FYN: variants seen among roughly 807,000 people sequenced by gnomAD.
FYN encodes tyrosine-protein kinase Fyn.
FYN carries 10 observed loss-of-function variants against 70.2 expected under a neutral mutation model. The observed-to-expected ratio is 0.14, with a 90% CI of 0.09 to 0.24. The LOEUF (loss-of-function observed/expected upper bound fraction) is 0.24, where lower values mean the gene tolerates loss of function less well. FYN is among the 10% of genes least tolerant of loss of function. The pLI, the probability that FYN is intolerant of heterozygous loss-of-function variation, is 1.00. For missense variants in FYN, 319 were observed against 673.1 expected, an observed-to-expected ratio of 0.47 and a Z score of 5.82; for synonymous variants, 236 against 248.6, an observed-to-expected ratio of 0.95 and a Z score of 0.48.
At chr6:111,779,189 C>T (rs1033591752) in intron 3 of FYN, among the ~76,000 whole-genome samples, 3 of 148,100 alleles carry the variant, frequency 2.0e-5, no homozygotes, top group African/African-American at 7.6e-5. Flanking sequence ...AGCCATGTCC[C>T]TCTCTTTGAT....
At chr6:111,869,202 TC>T (rs1774200284) in intron 1 of FYN, among the ~76,000 whole-genome samples, 1 of 152,176 alleles carries the variant, frequency 6.6e-6, no homozygotes, top group Non-Finnish European at 1.5e-5. Flanking sequence ...TCACTTAACC[TC>T]CGTGGAATAT....
intron 12 of FYN, chr6:111,676,409 C>T (rs766683750): frequency 6.6e-6 from 1 of 152,188 alleles, no homozygotes; most frequent in Non-Finnish European, 1.5e-5. Flanking sequence ...TTATTTATAT[C>T]TTTCCTTACG....
At chr6:111,746,951 G>A (rs1802252394) in intron 3 of FYN, among the ~76,000 whole-genome samples, 1 of 152,082 alleles carries the variant, frequency 6.6e-6, no homozygotes, top group African/African-American at 2.4e-5. Context: ...ATAACACACA[G>A]CCCTCAAAAG....
rs181043103 is a variant in FYN, at chr6:111,668,067, C to T, written c.1406-6120G>A. 1.1e-4 allele frequency among the ~76,000 whole-genome samples: 16 copies of T among 152,304 alleles called. 1 individual carries two copies. Among genetic ancestry groups the T allele is most frequent in the Admixed American group, 8.5e-4 (13 of 15,298 alleles). ...CCCTTGCTTCTGTGCATAAAAGGCC[C>T]GGTGTTTACATGTCTGTTGAGCAGT... On this transcript the variant is annotated intron_variant, in intron 13 of 13. Coordinates refer to ENST00000354650, the MANE Select transcript of FYN (RefSeq NM_002037.5).
chr6:111,719,782 A>T, intron 4 of FYN, 23 bp downstream of exon 4: 1 of 1,610,736 alleles, frequency 6.2e-7, no homozygotes, highest in Non-Finnish European at 8.5e-7. Context: ...CCCTCTCTGC[A>T]CTCTGTGACT....
At chr6:111,712,065 A>G (rs1014708295) in intron 5 of FYN, among the ~76,000 whole-genome samples, 3 of 152,118 alleles carry the variant, frequency 2.0e-5, no homozygotes, top group African/African-American at 7.2e-5. Context: ...GATCCTCCTT[A>G]AGTGTTTCTC....
intron 3 of FYN, among the ~76,000 whole-genome samples, chr6:111,748,578 G>A (rs1337373320): frequency 6.8e-6 from 1 of 147,698 alleles, no homozygotes; most frequent in Non-Finnish European, 1.5e-5. Context: ...TTGGTGTAGA[G>A]CTTGGACCTG....
rs190818290 is a variant in FYN at position 111,779,728 on chromosome 6, G to A, written c.-12+838C>T. 3.4e-3 allele frequency among the ~76,000 whole-genome samples: 513 copies of A among 152,232 alleles called. 4 individuals carry two copies. Among genetic ancestry groups the A allele is most frequent in the Middle Eastern group, 0.014 (4 of 294 alleles). On this transcript the variant is annotated intron_variant, in intron 3 of 13. Coordinates refer to ENST00000354650, the MANE Select transcript of FYN (RefSeq NM_002037.5). The stretch of plus-strand genomic sequence containing the variant: ...CTAGCAACATCAAATGGATGTAACC[G>A]GCCCATCCCCAGCTGCCTTCCTGCT...
In FYN at chr6:111,804,010, C is replaced by T. The variant is rs149845899; in HGVS notation, c.-81-23375G>A. ...CTCCTCCCCTCAAAATGGTTTCCCA[C>T]GTGCTAATTGACTGCGGGGATGAGA... On this transcript the variant is annotated intron_variant, in intron 2 of 13. Coordinates refer to ENST00000354650, the MANE Select transcript of FYN (RefSeq NM_002037.5). 4.6e-3 allele frequency among the ~76,000 whole-genome samples: 699 copies of T among 152,282 alleles called. 8 individuals are homozygous for T. The highest frequency in any genetic ancestry group is 0.014 in the Middle Eastern group (4 of 294).
At chr6:111,863,445 GGT>G (rs1234617332) in intron 1 of FYN, among the ~76,000 whole-genome samples, 1 of 152,158 alleles carries the variant, frequency 6.6e-6, no homozygotes, top group East Asian at 1.9e-4. Context: ...TGAAGTTGTT[GGT>G]GTTTATTTGC....
intron 1 of FYN, among the ~76,000 whole-genome samples, chr6:111,855,535 T>TC (rs1773802199): frequency 6.6e-6 from 1 of 152,284 alleles, no homozygotes; most frequent in Non-Finnish European, 1.5e-5. Context: ...ATTAGAAATA[T>TC]CCCAAACTTT....
Position 111,661,964 on chromosome 6 carries a change from A to C in FYN, c.1406-17T>G. ...TGTTCATGCCTGCAAAGACAAGCGCAGTGAGAGTGGGCACCCCGGGGATCC... is the reference window on the plus strand; with the variant it reads ...TGTTCATGCCTGCAAAGACAAGCGCCGTGAGAGTGGGCACCCCGGGGATCC... On this transcript the variant is annotated splice_polypyrimidine_tract_variant and intron_variant, in intron 13 of 13. Transcript: ENST00000354650. The surrounding 1 kb of genome is among the most constrained non-coding windows in gnomAD (Gnocchi z 4.0). The C allele has an allele frequency of 6.3e-7, 1 of 1,584,684 alleles. No individual in the cohort carries two copies. The highest frequency in any genetic ancestry group is 8.6e-7 in the Non-Finnish European group (1 of 1,163,438).
At chr6:111,793,383 C>T (rs139841660) in intron 2 of FYN, among the ~76,000 whole-genome samples, 63 of 151,844 alleles carry the variant, frequency 4.1e-4, no homozygotes, top group African/African-American at 1.4e-3. Flanking sequence ...AGTTAAAAAC[C>T]GTTTCCTGGG....
chr6:111,773,476 CG>C (rs1803544135), intron 3 of FYN, among the ~76,000 whole-genome samples: 11 of 44,514 alleles, frequency 2.5e-4, no homozygotes, highest in African/African-American at 8.8e-4. Context: ...AAAGGGAAAA[CG>C]AGAGGGAGAG....
At chr6:111,772,569 A>G (rs1803491224) in intron 3 of FYN, among the ~76,000 whole-genome samples, 1 of 152,208 alleles carries the variant, frequency 6.6e-6, no homozygotes, top group East Asian at 1.9e-4. Flanking sequence ...CTGCTCCCTG[A>G]TGTGATATAA....
intron 3 of FYN, among the ~76,000 whole-genome samples, chr6:111,747,595 A>G (rs1802285501): frequency 6.6e-6 from 1 of 152,222 alleles, no homozygotes; most frequent in South Asian, 2.1e-4. Flanking sequence ...TGTCCTCTGA[A>G]GTGAACTAGT....
chr6:111,803,044 C>G (rs573015008), intron 2 of FYN, among the ~76,000 whole-genome samples: 2 of 152,130 alleles, frequency 1.3e-5, no homozygotes, highest in African/African-American at 4.8e-5. Flanking sequence ...AGCTGTTTAC[C>G]CACTTTTCTT....
chr6:111,767,577 T>C (rs1049111569), intron 3 of FYN, among the ~76,000 whole-genome samples: 1 of 152,106 alleles, frequency 6.6e-6, no homozygotes, highest in African/African-American at 2.4e-5. Flanking sequence ...ATTTTTTGTA[T>C]TTTTAGTAGA....
chr6:111,683,007 T>C (rs1182772883), intron 12 of FYN, among the ~76,000 whole-genome samples: 2 of 152,060 alleles, frequency 1.3e-5, no homozygotes. Flanking sequence ...GAAAAGAAGA[T>C]GAAAAAACCC....
Sources: gnomAD v4.1 joint callset for allele counts (sites outside exome capture counted in the v4.1 genomes callset) on GRCh38, gnomAD v4.1.1 for gene constraint, Gnocchi (gnomAD v3.1) non-coding constraint, MANE v1.5 for transcripts, NCBI Gene and HGNC (gene_info 2026-07-23, HGNC 2026-07-21) for gene names.